COL5A1: variants seen among roughly 807,000 people sequenced by gnomAD.
COL5A1 encodes collagen type V alpha 1 chain.
In COL5A1, 16 loss-of-function variants were observed where a neutral mutation model predicts 263.7. That is an observed-to-expected ratio of 0.06 (90% CI 0.04 to 0.09). The LOEUF (loss-of-function observed/expected upper bound fraction) is 0.09. Ranked by LOEUF, COL5A1 falls within the 10% of genes least tolerant of loss-of-function variation. COL5A1 has a pLI of 1.00. For synonymous variants in COL5A1, 1,012 were observed against 1,004.5 expected (o/e 1.01, Z -0.14); for missense variants, 2,036 against 2,540.5 (o/e 0.80, Z 4.27).
chr9:134,795,238 C>T (rs372359904), intron 33 of COL5A1, 24 bp from the exon 34 acceptor site: 3 of 1,613,922 alleles, frequency 1.9e-6, no homozygotes, highest in Admixed American at 1.7e-5. Context: ...TTGAGCTGAC[C>T]TTCCTTCTCT....
chr9:134,752,053 TG>T (rs1342894146), intron 13 of COL5A1, among the ~76,000 whole-genome samples: 3 of 152,190 alleles, frequency 2.0e-5, no homozygotes, highest in Non-Finnish European at 4.4e-5. Flanking sequence ...AGCGGCTCTG[TG>T]GGAAAGCGGT....
chr9:134,727,046 C>CGTAT (rs1554787460), intron 4 of COL5A1, among the ~76,000 whole-genome samples: 3 of 103,144 alleles, frequency 2.9e-5, no homozygotes, highest in African/African-American at 9.3e-5. Context: ...GATGAGTGAA[C>CGTAT]GGATGGATGG....
chr9:134,685,179 T>TCCATCCATCCATTCATCCATCCA (rs1832987741), intron 1 of COL5A1, among the ~76,000 whole-genome samples: 1 of 147,310 alleles, frequency 6.8e-6, no homozygotes, highest in African/African-American at 2.6e-5. Context: ...CATCCATTCA[T>TCCATCCATCCATTCATCCATCCA]TCATCCTTCC....
intron 1 of COL5A1, among the ~76,000 whole-genome samples, chr9:134,651,874 T>A (rs2132473840): frequency 6.6e-6 from 1 of 152,354 alleles, no homozygotes; most frequent in South Asian, 2.1e-4. Flanking sequence ...TGTTTTGTTT[T>A]CTTTCTTTGG....
chr9:134,806,370 T>TC, intron 42 of COL5A1, 74 bp downstream of exon 42: 2 of 1,074,910 alleles, frequency 1.9e-6, no homozygotes, highest in South Asian at 2.9e-5. Flanking sequence ...GCCTTGTCCC[T>TC]CCCCCTGTGA....
At chr9:134,701,374 A>T in intron 4 of COL5A1, 41 bp downstream of exon 4, 1 of 1,596,904 alleles carries the variant, frequency 6.3e-7, no homozygotes, top group East Asian at 2.3e-5. Flanking sequence ...CCACCAGGGC[A>T]CTCCTCCTGT....
chr9:134,823,479 C>T lies in COL5A1; in HGVS notation c.4698+10C>T. 12 of 1,614,094 alleles carry T rather than the reference C, an allele frequency of 7.4e-6. No homozygotes were observed. Among genetic ancestry groups the T allele is most frequent in the Non-Finnish European group, 1.0e-5 (12 of 1,179,938 alleles). ...ACCCCCAGGCCCCCCGGTAAGTAGC[C>T]CTTGAAGCCCAGAAAGCGGGACGGG... is the stretch of plus-strand genomic sequence containing the variant. On this transcript the variant is annotated intron_variant, in intron 61 of 65. Coordinates refer to ENST00000371817, the MANE Select transcript of COL5A1 (RefSeq NM_000093.5).
At chr9:134,701,429 C>T in intron 4 of COL5A1, 96 bp downstream of exon 4, 1 of 1,278,532 alleles carries the variant, frequency 7.8e-7, no homozygotes. Context: ...CGGGCCGGGA[C>T]CGGCTGGCGG....
At chr9:134,805,592 A>G (rs1259023539) in intron 41 of COL5A1, among the ~76,000 whole-genome samples, 4 of 152,168 alleles carry the variant, frequency 2.6e-5, no homozygotes, top group African/African-American at 9.7e-5. Flanking sequence ...CTGAAGATGC[A>G]CGCTAAAGCC....
chr9:134,751,223 C>T (rs1376443994), intron 13 of COL5A1, among the ~76,000 whole-genome samples: 4 of 151,384 alleles, frequency 2.6e-5, no homozygotes, highest in African/African-American at 9.7e-5. Flanking sequence ...ACCCCGAGAG[C>T]GTGTCACTGT....
Position 134,822,891 on chromosome 9 carries a change from G to A in COL5A1, c.4609-107G>A, listed in dbSNP as rs73664153. 0.014 allele frequency: 17,159 copies of A among 1,229,288 alleles called. 245 individuals carry two copies. Among genetic ancestry groups the A allele is most frequent in the African/African-American group, 0.068 (4,596 of 67,464 alleles). The allele number at this position is 1,229,288 out of a possible 1,614,324, so 76.1% of individuals were successfully genotyped here. ...AAGCATAGACTCTTGAGGGGGATGC[G>A]GGTGGGAGAGGGGCGAGGGGCGAGA... On this transcript the variant is annotated intron_variant, in intron 59 of 65. Coordinates refer to ENST00000371817, the MANE Select transcript of COL5A1 (RefSeq NM_000093.5).
chr9:134,701,459 C>A (rs1833673632), intron 4 of COL5A1, 126 bp downstream of exon 4: 1 of 946,476 alleles, frequency 1.1e-6, no homozygotes, highest in South Asian at 1.4e-5. Flanking sequence ...GTCACCGTCT[C>A]TGTTGGTCAG....
At chr9:134,706,570 G>C (rs1487413805) in intron 4 of COL5A1, among the ~76,000 whole-genome samples, 2 of 152,192 alleles carry the variant, frequency 1.3e-5, no homozygotes. Flanking sequence ...CATAGCTTGG[G>C]AAGCCAGCAC....
At chr9:134,762,783 C>T (rs1360988495) in intron 19 of COL5A1, among the ~76,000 whole-genome samples, 1 of 152,164 alleles carries the variant, frequency 6.6e-6, no homozygotes, top group African/African-American at 2.4e-5. Context: ...GCACCTGCTC[C>T]TGTGTGGGCC....
chr9:134,645,526 G>A (rs1371528822), intron 1 of COL5A1, among the ~76,000 whole-genome samples: 1 of 152,212 alleles, frequency 6.6e-6, no homozygotes, highest in Non-Finnish European at 1.5e-5. Flanking sequence ...GTCCCTGCTC[G>A]GTCACGTGAC....
intron 31 of COL5A1, among the ~76,000 whole-genome samples, chr9:134,787,072 G>A (rs55768540): frequency 0.081 from 12,315 of 152,316 alleles, 746 homozygotes; most frequent in African/African-American, 0.16. Context: ...ACAGTGGCTC[G>A]TTGAACGTGG....
rs1365787866 is a variant in COL5A1, at chr9:134,701,269, C to T, written c.590C>T (p.Pro197Leu). Residue 197 changes from proline to leucine, a missense_variant, in exon 4 of 66, where the codon CCC (proline) becomes CTC (leucine). This residue lies in a region of COL5A1 where 600 missense variants were observed against 634.5 expected (regional missense o/e 0.95). Coordinates refer to ENST00000371817, the MANE Select transcript of COL5A1 (RefSeq NM_000093.5). ...AAATTCCTCGACCGCAGCGACCACC[C>T]CATGATCGACATCAATGGCATCATC... ...TTKFLDRSDHPMIDINGIIVF... is the reference protein window; with the variant it reads ...TTKFLDRSDHLMIDINGIIVF... The T allele has an allele frequency of 3.1e-6, 5 of 1,614,000 alleles. No homozygotes were observed. The highest frequency in any genetic ancestry group is 4.2e-6 in the Non-Finnish European group (5 of 1,180,002).
chr9:134,693,610 G>A (rs1833359407), intron 2 of COL5A1, among the ~76,000 whole-genome samples: 1 of 152,142 alleles, frequency 6.6e-6, no homozygotes, highest in Non-Finnish European at 1.5e-5. Flanking sequence ...ACCTGCAGAG[G>A]TCCCAAGGGA....
At chr9:134,740,452 G>T (rs1315669788) in intron 11 of COL5A1, among the ~76,000 whole-genome samples, 1 of 152,240 alleles carries the variant, frequency 6.6e-6, no homozygotes, top group Non-Finnish European at 1.5e-5. Context: ...AAAGGAGAGT[G>T]CATTGCATGG....
Sources: gnomAD v4.1 joint callset for allele counts (sites outside exome capture counted in the v4.1 genomes callset) on GRCh38, gnomAD v4.1.1 for gene constraint, gnomAD v4.1.1 regional missense constraint, MANE v1.5 for transcripts, NCBI Gene and HGNC (gene_info 2026-07-23, HGNC 2026-07-21) for gene names.